FHIT: variants seen among roughly 807,000 people sequenced by gnomAD.
FHIT encodes the protein fragile histidine triad diadenosine triphosphatase, also known as bis(5'-adenosyl)-triphosphatase.
FHIT carries 19 observed loss-of-function variants against 17.9 expected under a neutral mutation model. That is an observed-to-expected ratio of 1.06 (90% CI 0.74 to 1.56). FHIT has a LOEUF of 1.56. Among genes scored for constraint, FHIT ranks in the 40% most tolerant of loss-of-function variants. FHIT has a pLI of 0.00. For synonymous variants in FHIT, 81 were observed against 69.7 expected (o/e 1.16, Z -0.81); for missense variants, 248 against 189.2 (o/e 1.31, Z -1.82).
intron 5 of FHIT, among the ~76,000 whole-genome samples, chr3:60,397,781 C>T (rs1006598337): frequency 6.6e-6 from 1 of 152,202 alleles, no homozygotes; most frequent in African/African-American, 2.4e-5. Flanking sequence ...AACTTGTCTT[C>T]CTGTTTGGCA....
chr3:61,086,849 G>A (rs538992378), intron 2 of FHIT, among the ~76,000 whole-genome samples: 1 of 152,052 alleles, frequency 6.6e-6, no homozygotes, highest in South Asian at 2.1e-4. Flanking sequence ...CTAATGTGCT[G>A]ATAAAAACTC....
chr3:59,937,122 G>C (rs529055074), intron 7 of FHIT, among the ~76,000 whole-genome samples: 5 of 152,270 alleles, frequency 3.3e-5, no homozygotes, highest in African/African-American at 7.2e-5. Flanking sequence ...TTATTTCTTA[G>C]GAAAATTACT....
intron 5 of FHIT, among the ~76,000 whole-genome samples, chr3:60,510,584 A>G (rs1227853650): frequency 1.3e-5 from 2 of 151,658 alleles, no homozygotes; most frequent in Non-Finnish European, 2.9e-5. Flanking sequence ...GAATTTCATT[A>G]GAAAATGAGA....
chr3:61,129,839 C>T (rs1271809547), intron 2 of FHIT, among the ~76,000 whole-genome samples: 1 of 152,174 alleles, frequency 6.6e-6, no homozygotes, highest in Non-Finnish European at 1.5e-5. Flanking sequence ...CTGAATTTCC[C>T]TAGCAGCACT....
At chr3:60,129,049 G>GTTTTTTTTTTTT (rs1553692328) in intron 5 of FHIT, among the ~76,000 whole-genome samples, 1 of 121,044 alleles carries the variant, frequency 8.3e-6, no homozygotes, top group African/African-American at 3.6e-5. Context: ...TTCCTTTTTT[G>GTTTTTTTTTTTT]TTTGTTTTTT....
At chr3:60,539,190 A>G (rs2036094151) in intron 4 of FHIT, among the ~76,000 whole-genome samples, 1 of 152,254 alleles carries the variant, frequency 6.6e-6, no homozygotes, top group African/African-American at 2.4e-5. Flanking sequence ...CACATGAAAA[A>G]ATGCTCATCA....
chr3:60,815,420 G>A (rs1238847377), intron 4 of FHIT, among the ~76,000 whole-genome samples: 1 of 152,140 alleles, frequency 6.6e-6, no homozygotes, highest in Non-Finnish European at 1.5e-5. Flanking sequence ...TGTATATGGT[G>A]AAATGTAGGG....
chr3:59,962,889 A>G (rs1181861549), intron 7 of FHIT, among the ~76,000 whole-genome samples: 2 of 152,254 alleles, frequency 1.3e-5, no homozygotes, highest in African/African-American at 4.8e-5. Flanking sequence ...ACACTAAGCA[A>G]ATAGTTTGCA....
chr3:59,883,246 T>C (rs547620812), intron 8 of FHIT, among the ~76,000 whole-genome samples: 3 of 152,330 alleles, frequency 2.0e-5, no homozygotes, highest in East Asian at 3.9e-4. Flanking sequence ...TCACTACATT[T>C]TACTATTGTC....
At chr3:60,192,250 CAAAAA>C (rs71089591) in intron 5 of FHIT, among the ~76,000 whole-genome samples, 3 of 121,580 alleles carry the variant, frequency 2.5e-5, no homozygotes, top group Admixed American at 8.5e-5. Flanking sequence ...CACTATGTCT[CAAAAA>C]AAAAAAAAAA....
At chr3:60,040,485 A>C (rs973355827) in intron 5 of FHIT, among the ~76,000 whole-genome samples, 1 of 151,924 alleles carries the variant, frequency 6.6e-6, no homozygotes, top group Non-Finnish European at 1.5e-5. Context: ...ACCATAACTC[A>C]GTGATAATTA....
intron 4 of FHIT, among the ~76,000 whole-genome samples, chr3:60,707,825 C>G (rs1396031388): frequency 3.3e-5 from 5 of 152,198 alleles, no homozygotes; most frequent in African/African-American, 1.2e-4. Context: ...AATGTCCTTT[C>G]TGGAAAACAG....
chr3:59,847,007 C>T (rs537804870), intron 8 of FHIT, among the ~76,000 whole-genome samples: 2 of 152,266 alleles, frequency 1.3e-5, no homozygotes, highest in East Asian at 1.9e-4. Context: ...TCAAAATTCT[C>T]TCTTTGTCTC....
chr3:61,039,423 C>T (rs775158451), intron 3 of FHIT, among the ~76,000 whole-genome samples: 3 of 152,150 alleles, frequency 2.0e-5, no homozygotes, highest in Non-Finnish European at 4.4e-5. Context: ...ATTTTGCTCC[C>T]TTGTGCCCTA....
intron 5 of FHIT, among the ~76,000 whole-genome samples, chr3:60,223,530 C>G (rs9844132): frequency 0.59 from 89,911 of 152,014 alleles, 29,088 homozygotes; most frequent in African/African-American, 0.87. Flanking sequence ...CACACACCCA[C>G]CTTCCCTTCA....
chr3:59,897,943 T>C (rs1474856466), intron 8 of FHIT, among the ~76,000 whole-genome samples: 1 of 151,926 alleles, frequency 6.6e-6, no homozygotes, highest in East Asian at 1.9e-4. Flanking sequence ...ATTTTTTGTA[T>C]TTTTTAGTAG....
At chr3:60,856,348 T>A (rs1185941657) in intron 3 of FHIT, 1 of 152,144 alleles carries the variant, frequency 6.6e-6, no homozygotes, top group Non-Finnish European at 1.5e-5. Context: ...GTTTAACTCC[T>A]TTTGCATACT....
chr3:60,719,374 T>C (rs1284655453), intron 4 of FHIT, among the ~76,000 whole-genome samples: 6 of 152,228 alleles, frequency 3.9e-5, no homozygotes, highest in South Asian at 2.1e-4. Flanking sequence ...GACCTCTGTC[T>C]GTTTGCACAT....
chr3:60,858,489 G>A (rs1703477269), intron 3 of FHIT, among the ~76,000 whole-genome samples: 1 of 152,072 alleles, frequency 6.6e-6, no homozygotes, highest in Non-Finnish European at 1.5e-5. Flanking sequence ...TCATTCTAAA[G>A]GAAGATTGTG....
Sources: gnomAD v4.1 joint callset for allele counts (sites outside exome capture counted in the v4.1 genomes callset) on GRCh38, gnomAD v4.1.1 for gene constraint, MANE v1.5 for transcripts, NCBI Gene and HGNC (gene_info 2026-07-23, HGNC 2026-07-21) for gene names.